The following OSBPL9 variants were observed in gnomAD, a reference collection of about 807,000 sequenced individuals.
The protein encoded by OSBPL9 is oxysterol-binding protein-related protein 9.
A neutral mutation model predicts 106.6 loss-of-function variants in OSBPL9; 40 were observed. The observed-to-expected ratio is 0.38, with a 90% CI of 0.29 to 0.49. The LOEUF (loss-of-function observed/expected upper bound fraction) is 0.49. Among genes scored for constraint, OSBPL9 ranks in the 20% least tolerant of loss-of-function variants. The pLI is 0.97. For missense variants in OSBPL9, 609 were observed against 887.2 expected (o/e 0.69, Z 3.98); for synonymous variants, 269 against 295.4 (o/e 0.91, Z 0.92).
chr1:51,544,857 T>C, the OSBPL9 span, among the ~76,000 whole-genome samples: 1 of 144,202 alleles, frequency 6.9e-6, no homozygotes, highest in South Asian at 2.3e-4. Context: ...TTTTTTTTTT[T>C]TTTTGAGATG....
chr1:51,545,141 A>T, the OSBPL9 span, among the ~76,000 whole-genome samples: 1 of 152,002 alleles, frequency 6.6e-6, no homozygotes, highest in Non-Finnish European at 1.5e-5. Flanking sequence ...ACCACATCCG[A>T]CCCAGAGACA....
intron 2 of OSBPL9, among the ~76,000 whole-genome samples, chr1:51,600,518 T>G (rs1397978259): frequency 6.6e-6 from 1 of 152,214 alleles, no homozygotes; most frequent in Admixed American, 6.5e-5. Context: ...TATTCATTAT[T>G]ATTATGTTCT....
intron 2 of OSBPL9, among the ~76,000 whole-genome samples, chr1:51,655,470 G>A (rs983393255): frequency 2.0e-5 from 3 of 152,068 alleles, no homozygotes; most frequent in African/African-American, 2.4e-5. Flanking sequence ...CTTCCCATTC[G>A]GCTATCAGCT....
chr1:51,767,806 GA>G (rs1200777453), intron 12 of OSBPL9, among the ~76,000 whole-genome samples: 4 of 151,624 alleles, frequency 2.6e-5, no homozygotes, highest in African/African-American at 9.7e-5. Context: ...TTTAATTTTG[GA>G]AAAAAAGTTT....
chr1:51,758,875 G>C (rs540054636), intron 9 of OSBPL9, among the ~76,000 whole-genome samples: 1 of 152,262 alleles, frequency 6.6e-6, no homozygotes, highest in South Asian at 2.1e-4. Context: ...CTCCATGTTT[G>C]TTGAGATACT....
At chr1:51,746,140 C>T (rs749121081) in intron 5 of OSBPL9, among the ~76,000 whole-genome samples, 11 of 152,222 alleles carry the variant, frequency 7.2e-5, no homozygotes, top group Non-Finnish European at 1.5e-4. Flanking sequence ...GACGGGGTTT[C>T]GCCATATTGG....
chr1:51,581,667 T>G (rs1645222245), intron 1 of OSBPL9, among the ~76,000 whole-genome samples: 1 of 152,192 alleles, frequency 6.6e-6, no homozygotes, highest in Admixed American at 6.5e-5. Flanking sequence ...TATTATTATT[T>G]TTTTTAGAGA....
intron 1 of OSBPL9, among the ~76,000 whole-genome samples, chr1:51,637,628 A>T (rs985751596): frequency 1.1e-4 from 16 of 152,368 alleles, no homozygotes; most frequent in African/African-American, 3.8e-4. Context: ...GCTAAAGTTT[A>T]TGGAGGTGTT....
intron 1 of OSBPL9, among the ~76,000 whole-genome samples, chr1:51,650,044 A>ATT (rs1473588181): frequency 6.6e-6 from 1 of 151,282 alleles, no homozygotes; most frequent in African/African-American, 2.4e-5. Flanking sequence ...CCTAGCTAAT[A>ATT]TTTTGTATTT....
intron 2 of OSBPL9, among the ~76,000 whole-genome samples, chr1:51,609,110 C>G (rs1570542099): frequency 6.6e-6 from 1 of 152,146 alleles, no homozygotes; most frequent in Admixed American, 6.5e-5. Flanking sequence ...AAGGAGAATG[C>G]CTCTTAATTT....
chr1:51,542,806 A>G, the OSBPL9 span, among the ~76,000 whole-genome samples: 68 of 152,304 alleles, frequency 4.5e-4, no homozygotes, highest in Non-Finnish European at 6.2e-4. Flanking sequence ...CTGACTCCAA[A>G]GCCCACCTCC....
At chr1:51,619,933 A>G (rs1644324678) in intron 1 of OSBPL9, among the ~76,000 whole-genome samples, 1 of 152,122 alleles carries the variant, frequency 6.6e-6, no homozygotes, top group Admixed American at 6.5e-5. Context: ...CTTGTTTCCA[A>G]AATCACTTGG....
chr1:51,691,109 G>A (rs188197432), intron 3 of OSBPL9, among the ~76,000 whole-genome samples: 25 of 152,272 alleles, frequency 1.6e-4, no homozygotes, highest in African/African-American at 5.5e-4. Flanking sequence ...AGGATTGGAA[G>A]TTGCTCTGGG....
intron 3 of OSBPL9, among the ~76,000 whole-genome samples, chr1:51,679,626 A>G (rs1652068850): frequency 1.3e-5 from 2 of 152,014 alleles, no homozygotes; most frequent in South Asian, 2.1e-4. Context: ...TAAATTGCAC[A>G]CTCTTCTGCT....
At chr1:51,615,150 G>T (rs1266728463), upstream of OSBPL9, among the ~76,000 whole-genome samples, 1 of 152,208 alleles carries the variant, frequency 6.6e-6, no homozygotes. Flanking sequence ...TACTTGGGAG[G>T]CTGCGGCAAG....
chr1:51,780,203 TA>T (rs78426387), intron 15 of OSBPL9, among the ~76,000 whole-genome samples: 6,868 of 141,818 alleles, frequency 0.048, 327 homozygotes, highest in African/African-American at 0.12. Context: ...ATGGCCATAT[TA>T]AAAAAAAAAA....
chr1:51,638,996 T>C (rs1645614196), intron 1 of OSBPL9, among the ~76,000 whole-genome samples: 1 of 152,160 alleles, frequency 6.6e-6, no homozygotes, highest in African/African-American at 2.4e-5. Flanking sequence ...ATTTCCTATT[T>C]TGTAACTGTT....
chr1:51,708,168 G>A (rs1659007565), intron 3 of OSBPL9: 1 of 165,712 alleles, frequency 6.0e-6, no homozygotes, highest in Non-Finnish European at 1.3e-5. Flanking sequence ...GACACGGCTG[G>A]TGGTGCATGA....
At chr1:51,728,057 G>A (rs1663449831) in intron 4 of OSBPL9, among the ~76,000 whole-genome samples, 1 of 152,162 alleles carries the variant, frequency 6.6e-6, no homozygotes, top group African/African-American at 2.4e-5. Context: ...CCTAAAATTG[G>A]AAAGTCCTTG....
Sources: gnomAD v4.1 joint callset for allele counts (sites outside exome capture counted in the v4.1 genomes callset) on GRCh38, gnomAD v4.1.1 for gene constraint, MANE v1.5 for transcripts, NCBI Gene and HGNC (gene_info 2026-07-23, HGNC 2026-07-21) for gene names.